Variants in PLEKHA5 observed in about 807,000 individuals in gnomAD.
PLEKHA5 encodes the protein pleckstrin homology domain containing A5.
Under a neutral mutation model 181.9 loss-of-function variants are expected in PLEKHA5, and 55 were observed. The ratio of observed to expected loss-of-function variants is 0.30; its 90% CI spans 0.24 to 0.38. PLEKHA5 has a LOEUF of 0.38. Ranked by LOEUF, PLEKHA5 falls within the 10% of genes least tolerant of loss-of-function variation. PLEKHA5 has a pLI of 1.00. For missense variants in PLEKHA5, 1,432 were observed against 1,549.5 expected (o/e 0.92, Z 1.27); for synonymous variants, 535 against 529.4 (o/e 1.01, Z -0.15).
intron 22 of PLEKHA5, among the ~76,000 whole-genome samples, chr12:19,344,049 C>CAAAAAAA (rs35734108): frequency 8.3e-6 from 1 of 120,982 alleles, no homozygotes. Flanking sequence ...GAAACTGTCC[C>CAAAAAAA]AAAAAAAAAA....
At chr12:19,250,670 A>T (rs1430515229) in intron 3 of PLEKHA5, among the ~76,000 whole-genome samples, 1 of 152,242 alleles carries the variant, frequency 6.6e-6, no homozygotes, top group Non-Finnish European at 1.5e-5. Flanking sequence ...CAAATTTTTT[A>T]AATACTTTTT....
intron 3 of PLEKHA5, among the ~76,000 whole-genome samples, chr12:19,228,055 A>C (rs1004655777): frequency 1.3e-5 from 2 of 152,214 alleles, no homozygotes; most frequent in Non-Finnish European, 2.9e-5. Flanking sequence ...GGTCCTTAGT[A>C]TAAGCCCTGC....
Position 19,250,450 on chromosome 12 carries a change from G to T in PLEKHA5, c.228-3490G>T, listed in dbSNP as rs550311198. Among the ~76,000 whole-genome samples the T allele has an allele frequency of 2.0e-5, 3 of 152,208 alleles. No homozygotes were observed. In the South Asian group the frequency reaches 6.2e-4, roughly 32 times the overall value. On this transcript the variant is annotated intron_variant, in intron 3 of 31. Transcript: ENST00000429027. ...ACTACAAAATTAGCCAGGCGTCGTGGTGCATACCTGTAGTCTCAAATACTT... is the reference window on the plus strand; with the variant it reads ...ACTACAAAATTAGCCAGGCGTCGTGTTGCATACCTGTAGTCTCAAATACTT...
chr12:19,265,732 T>C lies in PLEKHA5; in HGVS notation c.611-18T>C, dbSNP rs764584725. The C allele has an allele frequency of 1.5e-6, 2 of 1,307,418 alleles. No individual in the cohort carries two copies. The highest frequency in any genetic ancestry group is 2.2e-6 in the Non-Finnish European group (2 of 917,498). 81.0% of individuals were successfully genotyped at this position (1,307,418 alleles called of 1,614,324 possible). ...AAGAACATTTAAAATTCTAATCAGATGTTAAATTATCTCTTAGATGAGAAA... is the reference window on the plus strand; with the variant it reads ...AAGAACATTTAAAATTCTAATCAGACGTTAAATTATCTCTTAGATGAGAAA... On this transcript the variant is annotated intron_variant, in intron 7 of 31. Transcript: ENST00000429027.
intron 29 of PLEKHA5, among the ~76,000 whole-genome samples, chr12:19,362,588 G>A (rs547226467): frequency 5.7e-4 from 87 of 151,978 alleles, no homozygotes; most frequent in African/African-American, 2.0e-3. Flanking sequence ...ACTGTGCTTA[G>A]CACCTAGGAA....
chr12:19,219,762 T>A (rs1262219737), intron 3 of PLEKHA5, among the ~76,000 whole-genome samples: 1 of 152,148 alleles, frequency 6.6e-6, no homozygotes, highest in Non-Finnish European at 1.5e-5. Flanking sequence ...AGGCTCAATT[T>A]CTGGTGTCAT....
chr12:19,307,262 C>T, intron 15 of PLEKHA5: 2 of 463,098 alleles, frequency 4.3e-6, no homozygotes, highest in Non-Finnish European at 7.8e-6. Context: ...CACTTGAGGT[C>T]AGGAGTTCGA....
At chr12:19,243,790 T>C (rs764272436) in intron 3 of PLEKHA5, among the ~76,000 whole-genome samples, 6 of 152,192 alleles carry the variant, frequency 3.9e-5, no homozygotes, top group Non-Finnish European at 5.9e-5. Context: ...ATTACAGTCT[T>C]TGAGATTGCT....
At chr12:19,233,314 T>A (rs1002996361) in intron 3 of PLEKHA5, among the ~76,000 whole-genome samples, 5 of 152,192 alleles carry the variant, frequency 3.3e-5, no homozygotes, top group Non-Finnish European at 5.9e-5. Context: ...TTTCTCGTAC[T>A]AGTATTTTTC....
chr12:19,259,545 G>T (rs769953156), intron 6 of PLEKHA5, among the ~76,000 whole-genome samples: 3 of 152,040 alleles, frequency 2.0e-5, no homozygotes, highest in Non-Finnish European at 2.9e-5. Context: ...TAGGACAGGA[G>T]TTCAAGACCA....
intron 15 of PLEKHA5, among the ~76,000 whole-genome samples, chr12:19,310,651 T>C (rs1420982959): frequency 1.3e-5 from 2 of 148,812 alleles, no homozygotes; most frequent in Non-Finnish European, 3.0e-5. Context: ...GCACAGTAGC[T>C]CTCGCCTATA....
chr12:19,200,446 A>G (rs908401852), intron 3 of PLEKHA5: 3 of 1,476,214 alleles, frequency 2.0e-6, no homozygotes, highest in South Asian at 1.4e-5. Flanking sequence ...ACAAAACAGC[A>G]TATTCTAAAC....
chr12:19,194,137 A>G (rs1232261354), intron 3 of PLEKHA5, among the ~76,000 whole-genome samples: 2 of 152,194 alleles, frequency 1.3e-5, no homozygotes, highest in African/African-American at 2.4e-5. Context: ...CCTTCATTCC[A>G]TACTCTGCTT....
chr12:19,173,803 A>T (rs2046562927), intron 3 of PLEKHA5, among the ~76,000 whole-genome samples: 2 of 152,332 alleles, frequency 1.3e-5, no homozygotes, highest in East Asian at 3.9e-4. Context: ...GCCAGGTCTC[A>T]TGCGGATGAT....
At chr12:19,337,378 C>T (rs985980357) in intron 21 of PLEKHA5, among the ~76,000 whole-genome samples, 11 of 150,844 alleles carry the variant, frequency 7.3e-5, no homozygotes, top group Admixed American at 2.0e-4. Context: ...CATGGCGAAA[C>T]CCTGTCTCTA....
At chr12:19,348,260 A>G in intron 24 of PLEKHA5, 139 bp from the exon 25 acceptor site, 2 of 585,200 alleles carry the variant, frequency 3.4e-6, no homozygotes, top group Non-Finnish European at 2.9e-6. Context: ...TAATTGTGAC[A>G]TAGGTATTAT....
rs372910539 is a variant in PLEKHA5, at chr12:19,148,941, G to A, written c.227+16491G>A. The stretch of plus-strand genomic sequence containing the variant: ...AAGTCTGGCTGCTATTCCTTTCTCA[G>A]CAGGTTCTCTAAAAGAAGCTCTAGA... On this transcript the variant is annotated intron_variant, in intron 3 of 31. Coordinates refer to ENST00000429027, the MANE Select transcript of PLEKHA5 (RefSeq NM_001256470.2). 1.8e-4 allele frequency among the ~76,000 whole-genome samples: 28 copies of A among 152,178 alleles called. No homozygotes were observed. The East Asian group carries it at 4.6e-3, about 25-fold the overall frequency.
At chr12:19,155,934 T>C (rs1202950475) in intron 3 of PLEKHA5, among the ~76,000 whole-genome samples, 1 of 152,216 alleles carries the variant, frequency 6.6e-6, no homozygotes, top group Non-Finnish European at 1.5e-5. Context: ...AAAGTATACG[T>C]TGAGTAGCCC....
chr12:19,254,999 G>T (rs202135254), intron 4 of PLEKHA5, 46 bp from the exon 5 acceptor site: 6 of 1,525,772 alleles, frequency 3.9e-6, no homozygotes, highest in South Asian at 1.3e-5. Context: ...ATTATAAAGC[G>T]GGTTACATAC....
Sources: allele counts gnomAD v4.1 joint callset (sites outside exome capture counted in the v4.1 genomes callset), GRCh38; gene constraint gnomAD v4.1.1; transcripts MANE v1.5; gene names NCBI Gene and HGNC (gene_info 2026-07-23, HGNC 2026-07-21).